RBFOX1: variants seen among roughly 807,000 people sequenced by gnomAD.
The protein encoded by RBFOX1 is RNA binding fox-1 homolog 1.
RBFOX1 carries 8 observed loss-of-function variants against 57.7 expected under a neutral mutation model. That is an observed-to-expected ratio of 0.14 (90% CI 0.08 to 0.25). The LOEUF is 0.25. RBFOX1 is among the 10% of genes least tolerant of loss of function. The pLI is 1.00. For synonymous variants in RBFOX1, 326 were observed against 222.4 expected (o/e 1.47, Z -4.15); for missense variants, 611 against 548.5 (o/e 1.11, Z -1.14).
intron 11 of RBFOX1, among the ~76,000 whole-genome samples, chr16:7,653,551 G>A (rs752583187): frequency 6.6e-6 from 1 of 152,128 alleles, no homozygotes; most frequent in African/African-American, 2.4e-5. Context: ...CTTTTCTCCC[G>A]TTATATAGAA....
At chr16:7,165,629 A>C (rs936294572) in intron 4 of RBFOX1, among the ~76,000 whole-genome samples, 3 of 151,720 alleles carry the variant, frequency 2.0e-5, no homozygotes, top group Non-Finnish European at 2.9e-5. Flanking sequence ...AAGTTTCTCC[A>C]CGTTGGTCAG....
chr16:5,703,317 G>T (rs1596840676), intron 3 of RBFOX1, among the ~76,000 whole-genome samples: 1 of 152,188 alleles, frequency 6.6e-6, no homozygotes, highest in South Asian at 2.1e-4. Flanking sequence ...TTTGAAAGAT[G>T]TATAAGAATT....
chr16:5,891,935 G>A (rs1234893646), intron 4 of RBFOX1, among the ~76,000 whole-genome samples: 5 of 152,204 alleles, frequency 3.3e-5, no homozygotes, highest in Non-Finnish European at 5.9e-5. Context: ...AGATCAACAA[G>A]AAGACGATGT....
At chr16:6,891,562 T>C (rs953150681) in intron 3 of RBFOX1, among the ~76,000 whole-genome samples, 31 of 152,182 alleles carry the variant, frequency 2.0e-4, no homozygotes, top group African/African-American at 5.8e-4. Flanking sequence ...ATGGTTAGTT[T>C]TTTCCAGTGC....
chr16:7,476,343 C>T (rs1472594662), intron 4 of RBFOX1, among the ~76,000 whole-genome samples: 1 of 152,178 alleles, frequency 6.6e-6, no homozygotes, highest in Non-Finnish European at 1.5e-5. Flanking sequence ...TTCCTTAATG[C>T]TTTCTTGTCT....
rs138276456 is a variant in RBFOX1 at position 5,335,977 on chromosome 16, G to A, written c.219+95872G>A. ...TTAATCCTCCCAATCAGTCTGGGAT[G>A]TAGGAATTATTATTAGTCCAATTTG... On this transcript the variant is annotated intron_variant, in intron 1 of 2. Coordinates refer to the RBFOX1 transcript ENST00000585867. 6.7e-4 allele frequency among the ~76,000 whole-genome samples: 102 copies of A among 152,304 alleles called. 1 individual carries two copies. In the East Asian group the frequency reaches 0.018, roughly 27 times the overall value.
chr16:7,191,948 T>C (rs1184842409), intron 4 of RBFOX1, among the ~76,000 whole-genome samples: 1 of 152,236 alleles, frequency 6.6e-6, no homozygotes, highest in Non-Finnish European at 1.5e-5. Context: ...TTATTAAATT[T>C]CCTGAGCCGT....
chr16:6,010,287 C>G (rs1172738044), intron 4 of RBFOX1, among the ~76,000 whole-genome samples: 1 of 152,292 alleles, frequency 6.6e-6, no homozygotes, highest in African/African-American at 2.4e-5. Flanking sequence ...CCCAGGATAA[C>G]CAACCGTCAC....
intron 3 of RBFOX1, among the ~76,000 whole-genome samples, chr16:6,882,385 TTCTC>T (rs935576558): frequency 1.3e-5 from 2 of 152,018 alleles, no homozygotes; most frequent in South Asian, 4.2e-4. Flanking sequence ...ACCTCTCTGA[TTCTC>T]TCTCTTCCCA....
chr16:6,477,814 G>A (rs59582567), intron 2 of RBFOX1, among the ~76,000 whole-genome samples: 20,635 of 152,098 alleles, frequency 0.14, 2,285 homozygotes, highest in East Asian at 0.47. Context: ...AGCCACCTTC[G>A]TCAGTGATCT....
intron 3 of RBFOX1, among the ~76,000 whole-genome samples, chr16:6,808,178 G>GTGTGTGTGTGTGTT (rs1318609964): frequency 6.9e-6 from 1 of 145,544 alleles, no homozygotes; most frequent in African/African-American, 2.6e-5. Flanking sequence ...GTGTGTGTGT[G>GTGTGTGTGTGTGTT]TATATATATA....
chr16:5,907,719 T>C (rs950760088), intron 4 of RBFOX1, among the ~76,000 whole-genome samples: 43 of 128,940 alleles, frequency 3.3e-4, no homozygotes, highest in African/African-American at 1.4e-3. Context: ...AAGGAGACTA[T>C]TTATCATCAT....
intron 4 of RBFOX1, among the ~76,000 whole-genome samples, chr16:7,185,512 T>A (rs2178717): frequency 1.3e-5 from 2 of 152,024 alleles, no homozygotes; most frequent in Non-Finnish European, 2.9e-5. Flanking sequence ...ATAATTCTTA[T>A]GATAACATGG....
chr16:7,631,829 C>T (rs1038514757), intron 11 of RBFOX1, among the ~76,000 whole-genome samples: 4 of 152,142 alleles, frequency 2.6e-5, no homozygotes, highest in African/African-American at 7.2e-5. Context: ...TCCCTGTTAC[C>T]AGCAGTCACA....
chr16:6,100,222 G>A (rs369472071), intron 1 of RBFOX1, among the ~76,000 whole-genome samples: 1 of 152,184 alleles, frequency 6.6e-6, no homozygotes, highest in East Asian at 1.9e-4. Context: ...GAGTGCAGTG[G>A]CCCGATCTCG....
At chr16:6,690,758 C>CTTTTTTTTT (rs71145276) in intron 3 of RBFOX1, among the ~76,000 whole-genome samples, 3 of 141,070 alleles carry the variant, frequency 2.1e-5, no homozygotes, top group Non-Finnish European at 4.6e-5. Context: ...TTCTTTCTTT[C>CTTTTTTTTT]TTTTTTTTTT....
At chr16:6,315,455 C>T (rs578042729) in intron 1 of RBFOX1, among the ~76,000 whole-genome samples, 46 of 120,052 alleles carry the variant, frequency 3.8e-4, no homozygotes, top group Admixed American at 3.0e-3. Context: ...ATGGGTGAAT[C>T]GGTGGATGGG....
At chr16:7,532,851 G>T (rs570832934) in intron 5 of RBFOX1, among the ~76,000 whole-genome samples, 1 of 152,310 alleles carries the variant, frequency 6.6e-6, no homozygotes, top group Admixed American at 6.5e-5. Context: ...CTTATTGTTT[G>T]ACCCTCAACA....
At chr16:7,476,561 C>T (rs777619600) in intron 4 of RBFOX1, among the ~76,000 whole-genome samples, 4 of 152,202 alleles carry the variant, frequency 2.6e-5, no homozygotes, top group Non-Finnish European at 5.9e-5. Flanking sequence ...TTTGTCAGCT[C>T]TTCTGCAGAC....
Sources: allele counts gnomAD v4.1 joint callset (sites outside exome capture counted in the v4.1 genomes callset), GRCh38; gene constraint gnomAD v4.1.1; transcripts MANE v1.5; gene names NCBI Gene and HGNC (gene_info 2026-07-23, HGNC 2026-07-21).